The following PDCD4 variants were observed in gnomAD, a reference collection of about 807,000 sequenced individuals.
PDCD4 encodes the protein programmed cell death 4, also known as programmed cell death protein 4.
PDCD4 carries 56 observed loss-of-function variants against 54.0 expected under a neutral mutation model. The ratio of observed to expected loss-of-function variants is 1.04; its 90% CI spans 0.84 to 1.30. The LOEUF (loss-of-function observed/expected upper bound fraction) is 1.30, where lower values mean the gene tolerates loss of function less well. PDCD4 is among the 50% of genes most tolerant of loss of function. The probability of loss-of-function intolerance (pLI) is 0.00; values close to 1 mark genes in which losing one functional copy is unlikely to be tolerated. For missense variants in PDCD4, 584 were observed against 559.8 expected, an observed-to-expected ratio of 1.04 and a Z score of -0.44; for synonymous variants, 186 against 194.8, an observed-to-expected ratio of 0.95 and a Z score of 0.37.
At chr10:110,889,756 AC>A in intron 7 of PDCD4, 126 bp downstream of exon 7, 1 of 645,614 alleles carries the variant, frequency 1.5e-6, no homozygotes, top group Non-Finnish European at 2.7e-6. Flanking sequence ...TATATTCTCC[AC>A]TGTTAAAATG....
intron 3 of PDCD4, 37 bp downstream of exon 3, chr10:110,881,572 CA>C: frequency 6.5e-7 from 1 of 1,543,204 alleles, no homozygotes; most frequent in Non-Finnish European, 8.8e-7. Flanking sequence ...GGAAGATAAA[CA>C]AGTGGAAAAA....
chr10:110,892,958 T>TA (rs1845777768), intron 8 of PDCD4, among the ~76,000 whole-genome samples: 1 of 152,130 alleles, frequency 6.6e-6, no homozygotes, highest in Non-Finnish European at 1.5e-5. Context: ...GATACACAAA[T>TA]ACCATTGTGT....
chr10:110,892,340 A>G (rs1015329826), intron 8 of PDCD4, among the ~76,000 whole-genome samples: 2 of 152,188 alleles, frequency 1.3e-5, no homozygotes, highest in Non-Finnish European at 2.9e-5. Flanking sequence ...ATTCTCTCTC[A>G]ATAAAGAAAA....
Position 110,881,292 on chromosome 10 carries a change from G to A in PDCD4, c.103G>A (p.Glu35Lys), listed in dbSNP as rs1239692318. Residue 35 changes from glutamate to lysine, a missense_variant, in exon 3 of 12, where the codon GAA (glutamate) becomes AAA (lysine). Physicochemically the swap from Glu to Lys is moderately conservative, Grantham distance 56. Transcript: ENST00000280154. ...SGDEENAGTE[E>K]IKNEINGNWI... The stretch of plus-strand genomic sequence containing the variant: ...TGATGAAGAAAATGCTGGGACTGAG[G>A]AAATAAAGAATGAAATAAATGGAAA... The A allele has an allele frequency of 6.2e-7, 1 of 1,613,462 alleles. No individual in the cohort carries two copies. Among genetic ancestry groups the A allele is most frequent in the South Asian group, 1.1e-5 (1 of 91,072 alleles).
At chr10:110,877,846 A>T (rs1345558179) in intron 2 of PDCD4, among the ~76,000 whole-genome samples, 3 of 152,220 alleles carry the variant, frequency 2.0e-5, no homozygotes, top group Admixed American at 6.5e-5. Flanking sequence ...TAAAATTGGG[A>T]TATAAATACC....
intron 1 of PDCD4, among the ~76,000 whole-genome samples, chr10:110,873,761 G>T (rs767843262): frequency 6.6e-6 from 1 of 152,108 alleles, no homozygotes; most frequent in African/African-American, 2.4e-5. Context: ...CTCTTAAAAC[G>T]TGTTTGTTGC....
chr10:110,888,138 A>G (rs1303566663), intron 6 of PDCD4, among the ~76,000 whole-genome samples: 2 of 141,768 alleles, frequency 1.4e-5, no homozygotes, highest in African/African-American at 2.6e-5. Context: ...TTTTTAGGTA[A>G]TTTTTTTTTT....
In PDCD4 at chr10:110,896,474, C is replaced by G. The variant is rs1026055438; in HGVS notation, c.1349+387C>G. ...TCAGGACTTTTCTGGCTTCAAAGAT[C>G]TAGGCTCTTACCTGTACTGGATGTG... On this transcript the variant is annotated intron_variant, in intron 11 of 11. Coordinates refer to ENST00000280154, the MANE Select transcript of PDCD4 (RefSeq NM_014456.5). 2.0e-5 allele frequency among the ~76,000 whole-genome samples: 3 copies of G among 152,104 alleles called. No homozygotes were observed. In the South Asian group the frequency reaches 6.2e-4, roughly 31 times the overall value.
At chr10:110,873,751 C>T (rs1259614713) in intron 1 of PDCD4, among the ~76,000 whole-genome samples, 3 of 152,160 alleles carry the variant, frequency 2.0e-5, no homozygotes, top group South Asian at 4.1e-4. Flanking sequence ...CTTATCTAAA[C>T]TCTTAAAACG....
At chr10:110,894,013 G>T in intron 8 of PDCD4, 78 bp from the exon 9 acceptor site, 2 of 801,510 alleles carry the variant, frequency 2.5e-6, no homozygotes, top group Admixed American at 2.0e-5. Flanking sequence ...ATTGGAATGA[G>T]GGCAAATAAT....
Position 110,887,651 on chromosome 10 carries a change from A to AT in PDCD4, c.556-7dup. 4 of 1,573,334 alleles carry AT rather than the reference A, an allele frequency of 2.5e-6. No homozygotes were observed. The highest frequency in any genetic ancestry group is 3.5e-6 in the Non-Finnish European group (4 of 1,147,884). ...TACACTTTTAAAATGTTTTTAAATT[A>AT]TTTTTTTGAACAGGAAATGTTAAGA... On this transcript the variant is annotated splice_polypyrimidine_tract_variant and intron_variant, in intron 5 of 11. Coordinates refer to ENST00000280154, the MANE Select transcript of PDCD4 (RefSeq NM_014456.5).
At chr10:110,872,103 A>AGGGGGC (rs1316895448) in intron 1 of PDCD4, 85 bp downstream of exon 1, 4 of 152,112 alleles carry the variant, frequency 2.6e-5, no homozygotes, top group African/African-American at 9.7e-5. Flanking sequence ...GCAAGATGGG[A>AGGGGGC]GGGGGCGGGG....
chr10:110,878,881 T>C, intron 2 of PDCD4, among the ~76,000 whole-genome samples: 1 of 152,170 alleles, frequency 6.6e-6, no homozygotes, highest in Non-Finnish European at 1.5e-5. Context: ...TGGAACCTGG[T>C]ATCTAATAGA....
chr10:110,881,975 T>C (rs376671555), intron 3 of PDCD4, among the ~76,000 whole-genome samples: 211 of 152,302 alleles, frequency 1.4e-3, no homozygotes, highest in African/African-American at 4.7e-3. Context: ...TGAGTTCTCT[T>C]TAGCTCTTTA....
chr10:110,890,313 C>A (rs1845735168), intron 7 of PDCD4, among the ~76,000 whole-genome samples: 1 of 149,186 alleles, frequency 6.7e-6, no homozygotes, highest in Non-Finnish European at 1.5e-5. Context: ...CAGTGTAGAT[C>A]AGTTATTTTG....
chr10:110,876,601 G>GT (rs1473037461), intron 2 of PDCD4: 25 of 449,292 alleles, frequency 5.6e-5, no homozygotes, highest in African/African-American at 3.9e-4. Context: ...AGTGATTTCT[G>GT]TAATATAAAC....
chr10:110,872,785 G>GA (rs1424680178), intron 1 of PDCD4, among the ~76,000 whole-genome samples: 1 of 152,220 alleles, frequency 6.6e-6, no homozygotes, highest in Non-Finnish European at 1.5e-5. Flanking sequence ...GCCGGGAAGG[G>GA]AGCCCCCTTT....
intron 1 of PDCD4, among the ~76,000 whole-genome samples, chr10:110,872,944 GTCTACAAATGA>G (rs1845444267): frequency 6.6e-6 from 1 of 152,154 alleles, no homozygotes; most frequent in South Asian, 2.1e-4. Context: ...ACTGTGTAGT[GTCTACAAATGA>G]TGAAAACGAT....
intron 8 of PDCD4, among the ~76,000 whole-genome samples, chr10:110,892,935 T>G (rs977885113): frequency 2.1e-4 from 32 of 152,128 alleles, no homozygotes; most frequent in African/African-American, 7.5e-4. Context: ...TTATTGTACC[T>G]TTTCTATGTT....
Sources: gnomAD v4.1 joint callset for allele counts (sites outside exome capture counted in the v4.1 genomes callset) on GRCh38, gnomAD v4.1.1 for gene constraint, MANE v1.5 for transcripts, NCBI Gene and HGNC (gene_info 2026-07-23, HGNC 2026-07-21) for gene names.